NCK1: variants seen among roughly 807,000 people sequenced by gnomAD.
NCK1 encodes NCK adaptor protein 1.
Under a neutral mutation model 36.6 loss-of-function variants are expected in NCK1, and 19 were observed. The ratio of observed to expected loss-of-function variants is 0.52; its 90% CI spans 0.36 to 0.76. The LOEUF is 0.76. NCK1 is among the 30% of genes least tolerant of loss of function. The pLI, the probability that NCK1 is intolerant of heterozygous loss-of-function variation, is 0.00. For synonymous variants in NCK1, 165 were observed against 156.0 expected (o/e 1.06, Z -0.43); for missense variants, 358 against 445.6 (o/e 0.80, Z 1.77).
intron 1 of NCK1, among the ~76,000 whole-genome samples, chr3:136,875,305 C>T (rs951789345): frequency 3.9e-5 from 6 of 152,094 alleles, no homozygotes; most frequent in African/African-American, 1.4e-4. Context: ...TCTAGATATA[C>T]AATCATGTCG....
intron 1 of NCK1, among the ~76,000 whole-genome samples, chr3:136,921,968 A>G (rs958865621): frequency 1.3e-5 from 2 of 152,104 alleles, no homozygotes; most frequent in African/African-American, 4.8e-5. Flanking sequence ...GTATTTTAGT[A>G]GAGACGGGGT....
intron 1 of NCK1, among the ~76,000 whole-genome samples, chr3:136,925,751 T>A (rs958145269): frequency 5.9e-5 from 9 of 152,192 alleles, no homozygotes; most frequent in African/African-American, 2.2e-4. Context: ...TTGAAGGACA[T>A]CTGGGTGGTT....
intron 1 of NCK1, among the ~76,000 whole-genome samples, chr3:136,913,911 T>TC (rs538996407): frequency 1.9e-3 from 293 of 152,260 alleles, no homozygotes; most frequent in African/African-American, 6.5e-3. Flanking sequence ...CTTGTGATCC[T>TC]GGCCTCCCAA....
chr3:136,930,706 A>G (rs1940368731), intron 2 of NCK1: 5 of 868,070 alleles, frequency 5.8e-6, no homozygotes, highest in African/African-American at 1.7e-5. Flanking sequence ...GTAAGCTACT[A>G]CATTATGTGT....
chr3:136,883,342 CT>C (rs1277787039), intron 1 of NCK1, among the ~76,000 whole-genome samples: 1 of 152,006 alleles, frequency 6.6e-6, no homozygotes, highest in South Asian at 2.1e-4. Flanking sequence ...TAACGTGAGA[CT>C]TTTTTTTCCC....
At chr3:136,897,864 A>C (rs1009226546) in intron 1 of NCK1, among the ~76,000 whole-genome samples, 3 of 152,202 alleles carry the variant, frequency 2.0e-5, no homozygotes, top group Non-Finnish European at 4.4e-5. Flanking sequence ...CTCACCATAA[A>C]TATAAAATAT....
intron 1 of NCK1, among the ~76,000 whole-genome samples, chr3:136,902,198 T>TTTA (rs57065412): frequency 7.6e-6 from 1 of 131,502 alleles, no homozygotes; most frequent in Non-Finnish European, 1.6e-5. Flanking sequence ...TTTTTTTTTT[T>TTTA]TTTTGTTTTT....
intron 2 of NCK1, among the ~76,000 whole-genome samples, chr3:136,938,674 C>T (rs142329952): frequency 6.6e-6 from 1 of 152,270 alleles, no homozygotes; most frequent in East Asian, 1.9e-4. Flanking sequence ...TTCATTTAGG[C>T]ATGAGTTATA....
chr3:136,895,410 A>G (rs996609800), intron 1 of NCK1, among the ~76,000 whole-genome samples: 8 of 151,620 alleles, frequency 5.3e-5, no homozygotes, highest in Non-Finnish European at 8.9e-5. Context: ...CCTTTTTTAA[A>G]AAATTGCCAT....
chr3:136,950,148 T>A lies in NCK1; in HGVS notation c.*1695T>A, dbSNP rs1447409715. On this transcript the variant is annotated 3_prime_UTR_variant, in exon 4 of 4. Coordinates refer to ENST00000481752, the MANE Select transcript of NCK1 (RefSeq NM_001291999.2). Reference sequence around the variant, plus strand: ...ATATAAATTGAGGAAAACTTTAAATTGTTGTAGGATGACTAGTAGTAAACA... The same window carrying A: ...ATATAAATTGAGGAAAACTTTAAATAGTTGTAGGATGACTAGTAGTAAACA... Among the ~76,000 whole-genome samples, 1 of 152,146 alleles carries A rather than the reference T, an allele frequency of 6.6e-6. No individual in the cohort carries two copies. The highest frequency in any genetic ancestry group is 2.4e-5 in the African/African-American group (1 of 41,464).
At chr3:136,921,216 G>A (rs540407538) in intron 1 of NCK1, among the ~76,000 whole-genome samples, 65 of 152,230 alleles carry the variant, frequency 4.3e-4, no homozygotes, top group African/African-American at 1.3e-3. Flanking sequence ...TAACTCCCCT[G>A]TATATAGATA....
intron 2 of NCK1, among the ~76,000 whole-genome samples, chr3:136,938,325 C>G (rs547571453): frequency 6.6e-6 from 1 of 152,176 alleles, no homozygotes; most frequent in South Asian, 2.1e-4. Context: ...TTCACAGATT[C>G]TGTATTTGTG....
At chr3:136,935,698 T>C (rs1940511792) in intron 2 of NCK1, among the ~76,000 whole-genome samples, 1 of 152,220 alleles carries the variant, frequency 6.6e-6, no homozygotes, top group South Asian at 2.1e-4. Context: ...TGTAAGACTC[T>C]TAAAAATTTT....
At position 136,949,848 on chromosome 3, in the gene NCK1, T is replaced by A. The variant is rs1167671971; in HGVS notation, c.*1395T>A. The A allele has an allele frequency of 2.0e-5, 3 of 149,272 alleles. No individual in the cohort carries two copies. The highest frequency in any genetic ancestry group is 1.3e-4 in the Admixed American group (2 of 14,816). The allele number at this position is 149,272 out of a possible 1,614,324, so 9.2% of individuals were successfully genotyped here. On this transcript the variant is annotated 3_prime_UTR_variant, in exon 4 of 4. Coordinates refer to ENST00000481752, the MANE Select transcript of NCK1 (RefSeq NM_001291999.2). ...AGTTGTGTAACTTGTGAATTTTTTT[T>A]ATCAATGTTTTAAATATTATTTAAA... is the stretch of plus-strand genomic sequence containing the variant.
intron 1 of NCK1, among the ~76,000 whole-genome samples, chr3:136,867,755 A>AC (rs1938492215): frequency 6.6e-6 from 1 of 152,052 alleles, no homozygotes; most frequent in African/African-American, 2.4e-5. Flanking sequence ...CAAAGACTCA[A>AC]CCCTTGATCT....
chr3:136,912,076 C>G (rs1397283035), intron 1 of NCK1, among the ~76,000 whole-genome samples: 1 of 151,640 alleles, frequency 6.6e-6, no homozygotes, highest in East Asian at 1.9e-4. Flanking sequence ...TCCTTGTGTT[C>G]ATGCTACTTG....
At chr3:136,940,320 A>C (rs138044302) in intron 2 of NCK1, among the ~76,000 whole-genome samples, 1 of 152,126 alleles carries the variant, frequency 6.6e-6, no homozygotes, top group Non-Finnish European at 1.5e-5. Flanking sequence ...CAAGGCCTCT[A>C]TTTCCTTAAT....
intron 1 of NCK1, among the ~76,000 whole-genome samples, chr3:136,885,652 T>C (rs919567020): frequency 7.2e-5 from 11 of 152,206 alleles, no homozygotes; most frequent in South Asian, 2.1e-4. Context: ...AATGGTGATA[T>C]TAATACTGAT....
chr3:136,908,110 A>G (rs1939735557), intron 1 of NCK1, among the ~76,000 whole-genome samples: 1 of 152,234 alleles, frequency 6.6e-6, no homozygotes, highest in African/African-American at 2.4e-5. Flanking sequence ...TAGTAAAAAC[A>G]TACATTATAG....
Sources: gnomAD v4.1 joint callset for allele counts (sites outside exome capture counted in the v4.1 genomes callset) on GRCh38, gnomAD v4.1.1 for gene constraint, MANE v1.5 for transcripts, NCBI Gene and HGNC (gene_info 2026-07-23, HGNC 2026-07-21) for gene names.